MAK: variants seen among roughly 807,000 people sequenced by gnomAD.
MAK encodes male germ cell associated kinase.
A neutral mutation model predicts 82.6 loss-of-function variants in MAK; 65 were observed. That is an observed-to-expected ratio of 0.79 (90% CI 0.64 to 0.97). MAK has a LOEUF of 0.97. MAK is among the 50% of genes least tolerant of loss of function. MAK has a pLI of 0.00. For missense variants in MAK, 703 were observed against 780.2 expected (o/e 0.90, Z 1.18); for synonymous variants, 250 against 274.2 (o/e 0.91, Z 0.87).
At chr6:10,833,476 A>G (rs1778954705) in intron 1 of MAK, among the ~76,000 whole-genome samples, 1 of 152,128 alleles carries the variant, frequency 6.6e-6, no homozygotes, top group Admixed American at 6.6e-5. Context: ...GTGGTGGCGC[A>G]GGCCTGTAGC....
At position 10,763,338 on chromosome 6, in the gene MAK, A is replaced by G. The variant is rs1458776614; in HGVS notation, c.*1114T>C. The G allele has an allele frequency of 6.6e-6, 1 of 152,224 alleles. No individual in the cohort carries two copies. The highest frequency in any genetic ancestry group is 1.5e-5 in the Non-Finnish European group (1 of 68,048). 9.4% of individuals were successfully genotyped at this position (152,224 alleles called of 1,614,324 possible). A position where few individuals can be genotyped will look rare whatever the true frequency, so the allele number is the denominator to read the frequency against. On this transcript the variant is annotated 3_prime_UTR_variant, in exon 15 of 15. Coordinates refer to ENST00000354489, the MANE Select transcript of MAK (RefSeq NM_001242957.3). ...AATTTGAAAAGTCCAATGAACCAGCATCAAACAAACACAGTTTCCAGAACT... is the reference window on the plus strand; with the variant it reads ...AATTTGAAAAGTCCAATGAACCAGCGTCAAACAAACACAGTTTCCAGAACT...
chr6:10,834,548 A>G (rs1378568349), intron 1 of MAK, among the ~76,000 whole-genome samples: 1 of 152,118 alleles, frequency 6.6e-6, no homozygotes, highest in East Asian at 1.9e-4. Context: ...CAAGCCACCT[A>G]CCCCAACCTC....
chr6:10,822,140 C>A (rs967403307), intron 2 of MAK, among the ~76,000 whole-genome samples: 2 of 128,456 alleles, frequency 1.6e-5, no homozygotes, highest in African/African-American at 3.1e-5. Context: ...GAGCGAGACT[C>A]CGTCTCAAAA....
chr6:10,802,074 T>C lies in MAK; in HGVS notation c.664-15A>G. On this transcript the variant is annotated splice_polypyrimidine_tract_variant and intron_variant, in intron 7 of 14. Coordinates refer to ENST00000354489, the MANE Select transcript of MAK (RefSeq NM_001242957.3). ...GGCCAGTCACTCTGTTTCAGGAATA[T>C]ATAAGTGCAGGTGGGGAGGGCAAAA... 1.2e-6 allele frequency: 2 copies of C among 1,613,242 alleles called. No homozygotes were observed. Among genetic ancestry groups the C allele is most frequent in the Non-Finnish European group, 1.7e-6 (2 of 1,179,312 alleles).
intron 11 of MAK, among the ~76,000 whole-genome samples, chr6:10,778,647 G>A (rs78939396): frequency 3.9e-5 from 6 of 152,054 alleles, no homozygotes; most frequent in African/African-American, 7.2e-5. Flanking sequence ...GCAAGAACAC[G>A]GGGTGGTATA....
At chr6:10,820,548 T>G (rs998191512) in intron 2 of MAK, among the ~76,000 whole-genome samples, 4 of 152,222 alleles carry the variant, frequency 2.6e-5, no homozygotes, top group African/African-American at 9.6e-5. Context: ...TGCAAACTGC[T>G]TAGTTCAGCA....
intron 4 of MAK, among the ~76,000 whole-genome samples, chr6:10,814,026 G>A (rs1777267677): frequency 6.6e-6 from 1 of 151,820 alleles, no homozygotes. Context: ...CTGGAGTGCA[G>A]TGGCGCAATC....
At chr6:10,797,583 C>G in intron 8 of MAK, 4 of 985,124 alleles carry the variant, frequency 4.1e-6, no homozygotes, top group Non-Finnish European at 4.8e-6. Flanking sequence ...TGTAGCTCAG[C>G]TATGGAAAAA....
At position 10,815,945 on chromosome 6, in the gene MAK, T is replaced by TAA. The variant is rs1554184521; in HGVS notation, c.278+1904_278+1905insTT. On this transcript the variant is annotated intron_variant, in intron 4 of 14. Transcript: ENST00000354489. ...ATATATATATATATATATATATATATATGTATGTTTTCTTTTTTGTTTGAG... is the reference window on the plus strand; with the variant it reads ...ATATATATATATATATATATATATATAAATGTATGTTTTCTTTTTTGTTTGAG... Among the ~76,000 whole-genome samples, 104 of 116,822 alleles carry TAA rather than the reference T, an allele frequency of 8.9e-4. 6 individuals carry two copies. Among genetic ancestry groups the TAA allele is most frequent in the African/African-American group, 3.8e-3 (101 of 26,536 alleles). The allele number at this position is 116,822 out of a possible 152,430, so 76.6% of individuals were successfully genotyped here.
rs540421821 is a variant in MAK at position 10,817,342 on chromosome 6, G to T, written c.278+508C>A. ...GGAAGACCAAAGCTCTCCCTTTACAGATTCTGCCCACACATATTTAAAAAT... is the reference window on the plus strand; with the variant it reads ...GGAAGACCAAAGCTCTCCCTTTACATATTCTGCCCACACATATTTAAAAAT... On this transcript the variant is annotated intron_variant, in intron 4 of 14. Transcript: ENST00000354489. 3.3e-5 allele frequency among the ~76,000 whole-genome samples: 5 copies of T among 152,282 alleles called. No homozygotes were observed. The East Asian group carries it at 7.7e-4, about 24-fold the overall frequency.
At chr6:10,802,300 TG>T (rs747628867) in intron 7 of MAK, 59 of 471,014 alleles carry the variant, frequency 1.3e-4, no homozygotes, top group Non-Finnish European at 1.8e-4. Context: ...AGCTTTTTTT[TG>T]TTTGTTTTTT....
rs937443621 is a variant in MAK at position 10,776,789 on chromosome 6, A to G, written c.1466-1330T>C. Among the ~76,000 whole-genome samples the G allele has an allele frequency of 1.3e-5, 2 of 152,182 alleles. No homozygotes were observed. Among genetic ancestry groups the G allele is most frequent in the Admixed American group, 1.3e-4 (2 of 15,260 alleles). ...TAATAAAACACCTACAAATCGAACT[A>G]TTATAGGCAACTACCAGCTGGGTGC... On this transcript the variant is annotated intron_variant, in intron 11 of 14. Transcript: ENST00000354489. The surrounding 1 kb of genome is among the most constrained non-coding windows in gnomAD (Gnocchi z 4.3).
chr6:10,791,123 ACT>A (rs564357485), intron 10 of MAK, among the ~76,000 whole-genome samples: 237 of 151,842 alleles, frequency 1.6e-3, no homozygotes, highest in African/African-American at 2.7e-3. Flanking sequence ...GGACTGACAC[ACT>A]CTCTACACAC....
intron 8 of MAK, among the ~76,000 whole-genome samples, chr6:10,801,562 C>A (rs1007596344): frequency 1.3e-5 from 2 of 152,200 alleles, no homozygotes; most frequent in Non-Finnish European, 2.9e-5. Context: ...CATGAGATGC[C>A]TTTTTGCTTC....
At chr6:10,765,524 A>C (rs1042892485) in intron 14 of MAK, among the ~76,000 whole-genome samples, 10 of 145,714 alleles carry the variant, frequency 6.9e-5, no homozygotes, top group Non-Finnish European at 1.3e-4. Context: ...CAATGGTGCG[A>C]TCTCGGCTCA....
chr6:10,784,324 T>C, intron 11 of MAK, 100 bp downstream of exon 11: 1 of 1,276,014 alleles, frequency 7.8e-7, no homozygotes, highest in Non-Finnish European at 1.1e-6. Context: ...TGATTAGATT[T>C]TTTGCTTCAC....
intron 7 of MAK, among the ~76,000 whole-genome samples, chr6:10,802,914 G>A (rs1014884436): frequency 9.9e-5 from 15 of 152,194 alleles, no homozygotes; most frequent in African/African-American, 3.6e-4. Context: ...AAAGAAAGGT[G>A]TAGATGAAAT....
chr6:10,813,122 ATATATATATATAAATTTTTT>A (rs1561987431), intron 5 of MAK, among the ~76,000 whole-genome samples: 30 of 1,620 alleles, frequency 0.019, 3 homozygotes, highest in East Asian at 0.1. Flanking sequence ...ATATATATAT[ATATATATATATAAATTTTTT>A]TTTTTTTTTT....
chr6:10,811,135 AT>A (rs1257300563), intron 5 of MAK, among the ~76,000 whole-genome samples: 1 of 152,168 alleles, frequency 6.6e-6, no homozygotes, highest in African/African-American at 2.4e-5. Flanking sequence ...AGTAGCTGGG[AT>A]TACAGGCATG....
Sources: allele counts gnomAD v4.1 joint callset (sites outside exome capture counted in the v4.1 genomes callset), GRCh38; gene constraint gnomAD v4.1.1; non-coding constraint Gnocchi (gnomAD v3.1); transcripts MANE v1.5; gene names NCBI Gene and HGNC (gene_info 2026-07-23, HGNC 2026-07-21).